The following MYO16 variants were observed in gnomAD, a reference collection of about 807,000 sequenced individuals.
MYO16 encodes the protein unconventional myosin-XVI.
Under a neutral mutation model 205.3 loss-of-function variants are expected in MYO16, and 94 were observed. That is an observed-to-expected ratio of 0.46 (90% CI 0.39 to 0.54). The LOEUF (loss-of-function observed/expected upper bound fraction) is 0.54, where lower values mean the gene tolerates loss of function less well. Ranked by LOEUF, MYO16 falls within the 20% of genes least tolerant of loss-of-function variation. The pLI is 0.00. For missense variants in MYO16, 2,315 were observed against 2,387.5 expected, an observed-to-expected ratio of 0.97 and a Z score of 0.63; for synonymous variants, 988 against 954.0, an observed-to-expected ratio of 1.04 and a Z score of -0.66.
At chr13:109,087,497 T>C (rs1888469382) in intron 27 of MYO16, among the ~76,000 whole-genome samples, 1 of 152,068 alleles carries the variant, frequency 6.6e-6, no homozygotes, top group East Asian at 1.9e-4. Flanking sequence ...AATACAAAAA[T>C]TAGCTGGGCG....
Position 109,140,225 on chromosome 13 carries a change from T to A in MYO16, c.4052-39T>A, listed in dbSNP as rs763095300. ...CGGGCTTGGTGGGCACCCGTGGGCCTGGCCTGGCACCCACTGACCGCGTCC... is the reference window on the plus strand; with the variant it reads ...CGGGCTTGGTGGGCACCCGTGGGCCAGGCCTGGCACCCACTGACCGCGTCC... On this transcript the variant is annotated intron_variant, in intron 31 of 34. Coordinates refer to ENST00000457511, the MANE Select transcript of MYO16 (RefSeq NM_001198950.3). This position sits in a 1 kb window ranked among gnomAD's most constrained non-coding sequence, Gnocchi z 8.0. 20 of 1,591,674 alleles carry A rather than the reference T, an allele frequency of 1.3e-5. No homozygotes were observed. Among genetic ancestry groups the A allele is most frequent in the Non-Finnish European group, 1.6e-5 (19 of 1,176,306 alleles).
At chr13:109,165,539 A>G (rs2139878692) in intron 33 of MYO16, among the ~76,000 whole-genome samples, 1 of 152,346 alleles carries the variant, frequency 6.6e-6, no homozygotes, top group East Asian at 1.9e-4. Flanking sequence ...CTCACAAATA[A>G]AAGAAGACAA....
intron 16 of MYO16, among the ~76,000 whole-genome samples, chr13:108,953,900 T>C (rs1184635466): frequency 1.3e-5 from 2 of 152,208 alleles, no homozygotes; most frequent in Non-Finnish European, 2.9e-5. Flanking sequence ...GTTTTCTGGC[T>C]ACAGAGGAAA....
At chr13:108,923,363 C>T (rs778873076) in intron 16 of MYO16, among the ~76,000 whole-genome samples, 1 of 152,242 alleles carries the variant, frequency 6.6e-6, no homozygotes, top group Non-Finnish European at 1.5e-5. Context: ...CAGTACAGCT[C>T]AGTCATTGCT....
intron 7 of MYO16, among the ~76,000 whole-genome samples, chr13:108,810,240 C>T (rs1887246912): frequency 6.6e-6 from 1 of 152,120 alleles, no homozygotes; most frequent in Admixed American, 6.5e-5. Context: ...TACTTTGTTC[C>T]ATTAAGCCTA....
chr13:108,559,794 C>T, the MYO16 span, among the ~76,000 whole-genome samples: 1 of 151,904 alleles, frequency 6.6e-6, no homozygotes, highest in Non-Finnish European at 1.5e-5. Context: ...TGTGGCAGCC[C>T]TAAAAACTCA....
chr13:109,179,713 T>A, intron 34 of MYO16, 80 bp downstream of exon 34: 1 of 1,150,406 alleles, frequency 8.7e-7, no homozygotes, highest in Non-Finnish European at 1.3e-6. Context: ...TTGTTACCAA[T>A]AGATGCTCTG....
chr13:109,079,879 CT>C (rs35912610), intron 27 of MYO16, among the ~76,000 whole-genome samples: 57 of 138,370 alleles, frequency 4.1e-4, no homozygotes, highest in Middle Eastern at 3.7e-3. Flanking sequence ...TTCTTTATTT[CT>C]TTTTTTTTTT....
At chr13:108,778,541 C>T (rs113866831) in intron 4 of MYO16, among the ~76,000 whole-genome samples, 32,905 of 152,124 alleles carry the variant, frequency 0.22, 3,661 homozygotes, top group African/African-American at 0.24. Flanking sequence ...ATCGCTTGAA[C>T]CCGGGAGGCG....
chr13:108,959,003 C>A (rs565517984), intron 17 of MYO16, among the ~76,000 whole-genome samples: 9 of 152,256 alleles, frequency 5.9e-5, no homozygotes, highest in African/African-American at 1.7e-4. Flanking sequence ...GTGTTTATTT[C>A]CCTGCCCACA....
chr13:108,976,705 A>G (rs560717949), intron 20 of MYO16, among the ~76,000 whole-genome samples: 3 of 152,310 alleles, frequency 2.0e-5, no homozygotes, highest in African/African-American at 7.2e-5. Context: ...GAATAATAAC[A>G]TTTCCTGTGC....
the MYO16 span, among the ~76,000 whole-genome samples, chr13:108,506,393 T>C: frequency 0.027 from 4,143 of 152,268 alleles, 190 homozygotes; most frequent in African/African-American, 0.092. Flanking sequence ...GTTTAGTTTA[T>C]TCCTAAGCAT....
intron 4 of MYO16, among the ~76,000 whole-genome samples, chr13:108,761,015 T>C (rs1885588854): frequency 6.6e-6 from 1 of 152,248 alleles, no homozygotes; most frequent in African/African-American, 2.4e-5. Context: ...TCATTCTTTT[T>C]TGTGGTTGAA....
intron 6 of MYO16, among the ~76,000 whole-genome samples, chr13:108,803,200 G>A (rs1482888207): frequency 6.6e-6 from 1 of 152,156 alleles, no homozygotes; most frequent in East Asian, 1.9e-4. Context: ...GGCCATCTTG[G>A]TATTCATCTG....
chr13:108,659,610 C>T (rs1033108060), intron 1 of MYO16, among the ~76,000 whole-genome samples: 1 of 152,112 alleles, frequency 6.6e-6, no homozygotes, highest in Non-Finnish European at 1.5e-5. Context: ...TAAGGAAAAG[C>T]AGTTAGATGG....
At chr13:108,680,584 GA>G (rs887008264) in intron 2 of MYO16, among the ~76,000 whole-genome samples, 7 of 152,172 alleles carry the variant, frequency 4.6e-5, no homozygotes, top group African/African-American at 1.7e-4. Context: ...GCACAATCAA[GA>G]ATGCCACTTT....
chr13:108,696,209 A>G (rs543113182), intron 2 of MYO16, among the ~76,000 whole-genome samples: 1 of 152,300 alleles, frequency 6.6e-6, no homozygotes, highest in South Asian at 2.1e-4. Flanking sequence ...ATTTATGCCT[A>G]TGTTCCAGCA....
At position 109,008,322 on chromosome 13, in the gene MYO16, G is replaced by A. The variant is rs1210042279; in HGVS notation, c.2443-575G>A. On this transcript the variant is annotated intron_variant, in intron 21 of 34. Transcript: ENST00000457511. ...TGTATGCACTACTGTACTATATCTT[G>A]TGTATGCACTACTGTACTATCTTGT... is the stretch of plus-strand genomic sequence containing the variant. 3.8e-4 allele frequency among the ~76,000 whole-genome samples: 58 copies of A among 151,590 alleles called. 1 individual carries two copies. Among genetic ancestry groups the A allele is most frequent in the Non-Finnish European group, 8.8e-5 (6 of 67,918 alleles).
chr13:108,687,347 A>G (rs1163888816), intron 2 of MYO16, among the ~76,000 whole-genome samples: 3 of 152,078 alleles, frequency 2.0e-5, no homozygotes, highest in Non-Finnish European at 4.4e-5. Flanking sequence ...TATCCTACAT[A>G]ATTATAATCA....
Sources: gnomAD v4.1 joint callset for allele counts (sites outside exome capture counted in the v4.1 genomes callset) on GRCh38, gnomAD v4.1.1 for gene constraint, Gnocchi (gnomAD v3.1) non-coding constraint, MANE v1.5 for transcripts, NCBI Gene and HGNC (gene_info 2026-07-23, HGNC 2026-07-21) for gene names.